KAZN: variants seen among roughly 807,000 people sequenced by gnomAD.
KAZN encodes the protein kazrin, periplakin interacting protein, also known as kazrin.
KAZN carries 40 observed loss-of-function variants against 87.4 expected under a neutral mutation model. The observed-to-expected ratio is 0.46, with a 90% confidence interval of 0.36 to 0.60. The LOEUF is 0.60. Ranked by LOEUF, KAZN falls within the 20% of genes least tolerant of loss-of-function variation. The probability of loss-of-function intolerance (pLI) is 0.00; values close to 1 mark genes in which losing one functional copy is unlikely to be tolerated. For missense variants in KAZN, 898 were observed against 1,073.9 expected (o/e 0.84, Z 2.29); for synonymous variants, 466 against 458.3 (o/e 1.02, Z -0.22).
intron 2 of KAZN, among the ~76,000 whole-genome samples, chr1:14,980,613 A>T (rs1484153955): frequency 6.6e-6 from 1 of 152,034 alleles, no homozygotes; most frequent in African/African-American, 2.4e-5. Context: ...ATAGTCCAAG[A>T]CCGTCTGCCT....
chr1:14,538,017 G>A (rs1204296039), intron 2 of KAZN, among the ~76,000 whole-genome samples: 1 of 152,184 alleles, frequency 6.6e-6, no homozygotes, highest in African/African-American at 2.4e-5. Flanking sequence ...AGGTAGATTT[G>A]AAGTCCATTT....
At chr1:14,013,018 T>C (rs1640391499) in intron 1 of KAZN, among the ~76,000 whole-genome samples, 1 of 152,150 alleles carries the variant, frequency 6.6e-6, no homozygotes, top group Non-Finnish European at 1.5e-5. Flanking sequence ...TCTTAGCGGG[T>C]CCTAGACCTG....
chr1:14,210,024 G>C (rs1386786132), intron 2 of KAZN, among the ~76,000 whole-genome samples: 2 of 152,202 alleles, frequency 1.3e-5, no homozygotes, highest in Non-Finnish European at 2.9e-5. Context: ...ATGCCTGTTT[G>C]AGGCCAGCGG....
At chr1:14,321,675 A>G (rs924854042) in intron 2 of KAZN, among the ~76,000 whole-genome samples, 1 of 152,088 alleles carries the variant, frequency 6.6e-6, no homozygotes, top group African/African-American at 2.4e-5. Flanking sequence ...ATTACCATTG[A>G]CCCCCAGAGA....
intron 4 of KAZN, among the ~76,000 whole-genome samples, chr1:15,045,626 A>G (rs778973903): frequency 6.6e-6 from 1 of 152,212 alleles, no homozygotes; most frequent in Non-Finnish European, 1.5e-5. Context: ...ACTGCTATAA[A>G]GAAATAGCTG....
rs75078321 is a variant in KAZN at position 14,713,131 on chromosome 1, C to G, written c.226+113908C>G. Among the ~76,000 whole-genome samples, 1,237 of 152,318 alleles carry G rather than the reference C, an allele frequency of 8.1e-3. 6 individuals carry two copies. The highest frequency in any genetic ancestry group is 0.013 in the Non-Finnish European group (910 of 68,020). ...GTCATCTGGCTACCTGCTGGGGTGA[C>G]TGGGGCCACCAGGCTCTGCTCTGTG... On this transcript the variant is annotated intron_variant, in intron 1 of 14. Coordinates refer to ENST00000376030, the MANE Select transcript of KAZN (RefSeq NM_201628.3).
At chr1:14,638,580 A>AAAAAAAAAAAACAAAAAAAAAAAC (rs1680181347) in intron 1 of KAZN, among the ~76,000 whole-genome samples, 1 of 23,620 alleles carries the variant, frequency 4.2e-5, no homozygotes, top group African/African-American at 5.3e-4. Context: ...AAAAAAAAAC[A>AAAAAAAAAAAACAAAAAAAAAAAC]AAAAAAAAAA....
intron 2 of KAZN, among the ~76,000 whole-genome samples, chr1:15,030,924 C>T (rs1190704705): frequency 6.6e-6 from 1 of 152,210 alleles, no homozygotes; most frequent in African/African-American, 2.4e-5. Flanking sequence ...GCGTGGGCCT[C>T]CTCCCCGTGG....
chr1:14,152,142 A>G (rs1401989095), intron 1 of KAZN, among the ~76,000 whole-genome samples: 1 of 152,208 alleles, frequency 6.6e-6, no homozygotes, highest in East Asian at 1.9e-4. Flanking sequence ...TGGGGCATCC[A>G]TCATCTCAGA....
chr1:14,205,907 G>A (rs1190937029), intron 2 of KAZN, among the ~76,000 whole-genome samples: 494 of 7,746 alleles, frequency 0.064, no homozygotes, highest in Non-Finnish European at 0.07. Context: ...AAAAAAAAAA[G>A]CTACCTAATG....
intron 1 of KAZN, among the ~76,000 whole-genome samples, chr1:14,124,798 G>A (rs1644828179): frequency 6.6e-6 from 1 of 152,158 alleles, no homozygotes; most frequent in African/African-American, 2.4e-5. Flanking sequence ...AGTGTGCACA[G>A]AGCACCTGCT....
intron 1 of KAZN, among the ~76,000 whole-genome samples, chr1:14,050,663 T>C (rs530970243): frequency 4.6e-5 from 7 of 152,108 alleles, no homozygotes; most frequent in Non-Finnish European, 8.8e-5. Flanking sequence ...AGATGAGATT[T>C]GGGTGGGGAT....
At chr1:13,929,420 C>T (rs1640421758) in intron 1 of KAZN, among the ~76,000 whole-genome samples, 1 of 152,132 alleles carries the variant, frequency 6.6e-6, no homozygotes, top group African/African-American at 2.4e-5. Flanking sequence ...TTCAGGATCC[C>T]AAGGAAGAGA....
chr1:14,739,117 G>T (rs1644007891), intron 1 of KAZN, among the ~76,000 whole-genome samples: 1 of 152,180 alleles, frequency 6.6e-6, no homozygotes, highest in South Asian at 2.1e-4. Context: ...AGTTGAGGTT[G>T]CAGTGAGCTA....
intron 2 of KAZN, among the ~76,000 whole-genome samples, chr1:14,555,868 C>G (rs574811247): frequency 1.3e-5 from 2 of 152,284 alleles, no homozygotes; most frequent in Non-Finnish European, 2.9e-5. Flanking sequence ...AATAGGCTTG[C>G]CCCTTACTTA....
At chr1:14,830,467 G>A (rs1386532176) in intron 1 of KAZN, among the ~76,000 whole-genome samples, 6 of 152,158 alleles carry the variant, frequency 3.9e-5, no homozygotes, top group Non-Finnish European at 7.3e-5. Flanking sequence ...AAGAGAGAAG[G>A]GGCGTATTAG....
chr1:13,975,312 G>C lies in KAZN; in HGVS notation c.91+81556G>C, dbSNP rs1638285090. 2.0e-5 allele frequency among the ~76,000 whole-genome samples: 3 copies of C among 152,154 alleles called. No individual in the cohort carries two copies. The South Asian group carries it at 6.2e-4, about 32-fold the overall frequency. ...TCAAGGCCACTGTTCAGAACACTTG[G>C]TTACTTCATCACAGCCCATACCAAG... On this transcript the variant is annotated intron_variant, in intron 1 of 16. Coordinates refer to the KAZN transcript ENST00000636203.
chr1:14,407,262 G>A (rs1054927556), intron 2 of KAZN, among the ~76,000 whole-genome samples: 5 of 152,344 alleles, frequency 3.3e-5, no homozygotes, highest in Admixed American at 6.5e-5. Flanking sequence ...AGACCTGGGA[G>A]AGGACTTGCT....
chr1:15,015,764 C>T (rs111450666), intron 2 of KAZN, among the ~76,000 whole-genome samples: 4 of 152,130 alleles, frequency 2.6e-5, no homozygotes, highest in Non-Finnish European at 5.9e-5. Context: ...TGGGCACAGT[C>T]CCCCTTGGAC....
Sources: allele counts gnomAD v4.1 joint callset (sites outside exome capture counted in the v4.1 genomes callset), GRCh38; gene constraint gnomAD v4.1.1; transcripts MANE v1.5; gene names NCBI Gene and HGNC (gene_info 2026-07-23, HGNC 2026-07-21).